Variants in CTIF observed in about 807,000 individuals in gnomAD.
The protein encoded by CTIF is cap binding complex dependent translation initiation factor, also known as CBP80/20-dependent translation initiation factor.
Under a neutral mutation model 66.0 loss-of-function variants are expected in CTIF, and 21 were observed. The ratio of observed to expected loss-of-function variants is 0.32; its 90% CI spans 0.23 to 0.46. The LOEUF (loss-of-function observed/expected upper bound fraction) is 0.46. CTIF is among the 20% of genes least tolerant of loss of function. The probability of loss-of-function intolerance (pLI) is 1.00; values close to 1 mark genes in which losing one functional copy is unlikely to be tolerated. For synonymous variants in CTIF, 345 were observed against 326.4 expected (o/e 1.06, Z -0.62); for missense variants, 739 against 812.7 (o/e 0.91, Z 1.10).
rs568631283 is a variant in CTIF, at chr18:48,783,250, G to A, written c.1371+21561G>A. On this transcript the variant is annotated intron_variant, in intron 9 of 11. Coordinates refer to ENST00000256413, the MANE Select transcript of CTIF (RefSeq NM_014772.3). ...GGGGCCAGTCCACCAACCACAGCTG[G>A]TCTACATTGCACCAGCACGGCTTAT... Among the ~76,000 whole-genome samples, 4 of 152,280 alleles carry A rather than the reference G, an allele frequency of 2.6e-5. No individual in the cohort carries two copies. In the South Asian group the frequency reaches 8.3e-4, roughly 32 times the overall value.
At chr18:48,786,766 G>T (rs1911747277) in intron 9 of CTIF, among the ~76,000 whole-genome samples, 1 of 152,152 alleles carries the variant, frequency 6.6e-6, no homozygotes, top group South Asian at 2.1e-4. Context: ...CGAAGGGAAA[G>T]GAGGAACCTG....
intron 3 of CTIF, among the ~76,000 whole-genome samples, chr18:48,651,558 G>A (rs1176642316): frequency 6.6e-5 from 10 of 152,142 alleles, no homozygotes; most frequent in African/African-American, 2.2e-4. Flanking sequence ...ACAGATCAAC[G>A]AGACAGAAGG....
Position 48,544,939 on chromosome 18 carries a change from C to T in CTIF, c.-29+5627C>T, listed in dbSNP as rs116454434. On this transcript the variant is annotated intron_variant, in intron 1 of 11. Coordinates refer to ENST00000256413, the MANE Select transcript of CTIF (RefSeq NM_014772.3). ...CAGATGCATAAACAGTTCCATTCAA[C>T]GTCATGTGGGAAGTCTAGGTAGAGA... Among the ~76,000 whole-genome samples the T allele has an allele frequency of 2.8e-3, 430 of 152,276 alleles. 7 individuals are homozygous for T. The highest frequency in any genetic ancestry group is 0.019 in the South Asian group (94 of 4,822).
In CTIF at chr18:48,862,050, C is replaced by CTAT. The variant is rs1555709738; in HGVS notation, c.*2493_*2495dup. The CTAT allele has an allele frequency of 2.7e-5, 4 of 150,940 alleles. No homozygotes were observed. The highest frequency in any genetic ancestry group is 1.9e-4 in the East Asian group (1 of 5,180). The allele number at this position is 150,940 out of a possible 1,614,324, so 9.4% of individuals were successfully genotyped here. On this transcript the variant is annotated 3_prime_UTR_variant, in exon 12 of 12. Transcript: ENST00000256413. ...CAGATATGGAAGGAAAACGTTAAGA[C>CTAT]TATTTTTTTTTTAAAGAAACAACAG...
chr18:48,733,398 T>TG (rs1470612088), intron 7 of CTIF, among the ~76,000 whole-genome samples: 1 of 152,156 alleles, frequency 6.6e-6, no homozygotes, highest in African/African-American at 2.4e-5. Flanking sequence ...GCCTGAGTGT[T>TG]GAATAGGGCT....
chr18:48,706,164 G>A (rs2092151560), intron 6 of CTIF, among the ~76,000 whole-genome samples: 1 of 152,106 alleles, frequency 6.6e-6, no homozygotes, highest in Non-Finnish European at 1.5e-5. Context: ...GCCCTGTTGT[G>A]TTTTGCTCCA....
At chr18:48,733,833 C>T (rs2092476405) in intron 7 of CTIF, among the ~76,000 whole-genome samples, 1 of 152,228 alleles carries the variant, frequency 6.6e-6, no homozygotes, top group African/African-American at 2.4e-5. Context: ...AACTCACCCT[C>T]GCAGCCCTTC....
intron 7 of CTIF, chr18:48,756,398 C>T (rs993436784): frequency 6.6e-6 from 1 of 152,076 alleles, no homozygotes; most frequent in Non-Finnish European, 1.5e-5. Flanking sequence ...CTCAATTTTT[C>T]ACAGATAAAA....
chr18:48,715,309 A>G (rs919334152), intron 7 of CTIF, among the ~76,000 whole-genome samples: 5 of 152,140 alleles, frequency 3.3e-5, no homozygotes, highest in African/African-American at 1.2e-4. Context: ...TGTTCTTGAC[A>G]TTTGAACAAC....
At chr18:48,741,686 A>C (rs2092556254) in intron 7 of CTIF, among the ~76,000 whole-genome samples, 5 of 151,972 alleles carry the variant, frequency 3.3e-5, no homozygotes, top group Admixed American at 3.3e-4. Context: ...TGGCCTCCCA[A>C]CCTGCTGGGA....
At chr18:48,822,384 A>G (rs1227881789) in intron 10 of CTIF, among the ~76,000 whole-genome samples, 5 of 152,268 alleles carry the variant, frequency 3.3e-5, no homozygotes, top group Non-Finnish European at 4.4e-5. Context: ...TTTGAAATAT[A>G]TAATGCATTG....
rs1436688293 is a variant in CTIF, at chr18:48,861,161, GCTTCCCCAGTTCT to G, written c.*1605_*1617del. 6.6e-6 allele frequency: 1 copy of G among 152,454 alleles called. No individual in the cohort carries two copies. Among genetic ancestry groups the G allele is most frequent in the Non-Finnish European group, 1.5e-5 (1 of 68,192 alleles). 9.4% of individuals were successfully genotyped at this position (152,454 alleles called of 1,614,324 possible). ...GTCTGAGAGTGGCGAGTGGGGAGAG[GCTTCCCCAGTTCT>G]CTCCAGCTTTCCCTGCAGCTGCAAC... On this transcript the variant is annotated 3_prime_UTR_variant, in exon 12 of 12. Transcript: ENST00000256413.
At chr18:48,746,057 G>A (rs563194068) in intron 7 of CTIF, among the ~76,000 whole-genome samples, 1 of 152,384 alleles carries the variant, frequency 6.6e-6, no homozygotes, top group South Asian at 2.1e-4. Flanking sequence ...TGGGCTGTGA[G>A]GCCTAATGGA....
intron 6 of CTIF, among the ~76,000 whole-genome samples, chr18:48,701,398 G>C (rs1438405110): frequency 6.6e-6 from 1 of 152,196 alleles, no homozygotes; most frequent in African/African-American, 2.4e-5. Context: ...TCAATGAGCA[G>C]CATGAACACC....
At chr18:48,831,610 T>C (rs902041124) in intron 10 of CTIF, among the ~76,000 whole-genome samples, 1 of 152,164 alleles carries the variant, frequency 6.6e-6, no homozygotes, top group African/African-American at 2.4e-5. Context: ...ACGGAAACCT[T>C]GACAATTACA....
chr18:48,714,143 C>T (rs1046135884), intron 7 of CTIF, among the ~76,000 whole-genome samples: 8 of 152,228 alleles, frequency 5.3e-5, no homozygotes, highest in African/African-American at 1.9e-4. Flanking sequence ...CAGGTGACCC[C>T]TAACCTTCCC....
At chr18:48,832,474 A>G (rs548770572) in intron 10 of CTIF, among the ~76,000 whole-genome samples, 84 of 152,150 alleles carry the variant, frequency 5.5e-4, no homozygotes, top group Non-Finnish European at 1.1e-3. Context: ...AAACACATAG[A>G]AAGGGAAGAG....
chr18:48,577,502 G>C (rs144117351), intron 1 of CTIF, among the ~76,000 whole-genome samples: 2 of 152,140 alleles, frequency 1.3e-5, no homozygotes, highest in African/African-American at 2.4e-5. Flanking sequence ...TTAGATAAAA[G>C]CTTTTTTGAG....
At position 48,761,072 on chromosome 18, in the gene CTIF, A is replaced by G. The variant is rs973347231; in HGVS notation, c.1072-318A>G. 3.3e-5 allele frequency: 8 copies of G among 240,244 alleles called. No homozygotes were observed. The highest frequency in any genetic ancestry group is 1.6e-4 in the African/African-American group (7 of 44,692). The allele number at this position is 240,244 out of a possible 1,614,324, so 14.9% of individuals were successfully genotyped here. A position where few individuals can be genotyped will look rare whatever the true frequency, so the allele number is the denominator to read the frequency against. On this transcript the variant is annotated intron_variant, in intron 8 of 11. Coordinates refer to ENST00000256413, the MANE Select transcript of CTIF (RefSeq NM_014772.3). This position sits in a 1 kb window ranked among gnomAD's most constrained non-coding sequence, Gnocchi z 4.2. Reference sequence around the variant, plus strand: ...TCTTATTTCCTCTTTCATAATTTCCATTAAATCTTTTCTAGATTAAGATAT... The same window carrying G: ...TCTTATTTCCTCTTTCATAATTTCCGTTAAATCTTTTCTAGATTAAGATAT...
Sources: gnomAD v4.1 joint callset for allele counts (sites outside exome capture counted in the v4.1 genomes callset) on GRCh38, gnomAD v4.1.1 for gene constraint, Gnocchi (gnomAD v3.1) non-coding constraint, MANE v1.5 for transcripts, NCBI Gene and HGNC (gene_info 2026-07-23, HGNC 2026-07-21) for gene names.